CACNA2D3: variants seen among roughly 807,000 people sequenced by gnomAD.
CACNA2D3 encodes voltage-dependent calcium channel subunit alpha-2/delta-3.
In CACNA2D3, 60 loss-of-function variants were observed where a neutral mutation model predicts 160.6. The ratio of observed to expected loss-of-function variants is 0.37; its 90% CI spans 0.30 to 0.46. The LOEUF is 0.46. Among genes scored for constraint, CACNA2D3 ranks in the 20% least tolerant of loss-of-function variants. The pLI is 1.00. For synonymous variants in CACNA2D3, 558 were observed against 492.9 expected, an observed-to-expected ratio of 1.13 and a Z score of -1.75; for missense variants, 1,205 against 1,365.0, an observed-to-expected ratio of 0.88 and a Z score of 1.85.
chr3:54,265,659 G>A (rs1254207800), intron 2 of CACNA2D3, among the ~76,000 whole-genome samples: 2 of 69,358 alleles, frequency 2.9e-5, no homozygotes, highest in African/African-American at 9.6e-5. Context: ...TATATATAGT[G>A]TATATATATA....
At position 54,717,380 on chromosome 3, in the gene CACNA2D3, C is replaced by T. The variant is rs114622097; in HGVS notation, c.1168-35219C>T. ...CCACCTCAAAAGGTATACATGTGTT[C>T]TGCATTAAGAAAATTCTGCCAAACA... On this transcript the variant is annotated intron_variant, in intron 11 of 37. Coordinates refer to ENST00000474759, the MANE Select transcript of CACNA2D3 (RefSeq NM_018398.3). Among the ~76,000 whole-genome samples, 376 of 152,338 alleles carry T rather than the reference C, an allele frequency of 2.5e-3. 3 individuals carry two copies. The highest frequency in any genetic ancestry group is 8.7e-3 in the African/African-American group (362 of 41,566).
intron 4 of CACNA2D3, among the ~76,000 whole-genome samples, chr3:54,478,377 A>G (rs1278492302): frequency 6.6e-6 from 1 of 151,984 alleles, no homozygotes; most frequent in East Asian, 1.9e-4. Context: ...TCACACCTGT[A>G]ATTCCAGCAG....
chr3:54,173,638 C>T (rs1700614829), intron 2 of CACNA2D3, among the ~76,000 whole-genome samples: 1 of 152,168 alleles, frequency 6.6e-6, no homozygotes, highest in East Asian at 1.9e-4. Context: ...CATGGCTGAG[C>T]AAACTTTAGT....
At chr3:54,715,610 G>A (rs541089749) in intron 11 of CACNA2D3, among the ~76,000 whole-genome samples, 2 of 152,076 alleles carry the variant, frequency 1.3e-5, no homozygotes, top group African/African-American at 2.4e-5. Context: ...AGGCTATCTA[G>A]GGGCCCTCAG....
Position 54,183,445 on chromosome 3 carries a change from T to G in CACNA2D3, c.204+59851T>G, listed in dbSNP as rs189067454. The stretch of plus-strand genomic sequence containing the variant: ...ATAGCTGATTGGTGGCAGGGTTAGA[T>G]CTGCATCCTGGCCCATATACTTGGG... On this transcript the variant is annotated intron_variant, in intron 2 of 37. Transcript: ENST00000474759. Among the ~76,000 whole-genome samples, 159 of 152,102 alleles carry G rather than the reference T, an allele frequency of 1.0e-3. 1 individual carries two copies. Among genetic ancestry groups the G allele is most frequent in the Middle Eastern group, 3.4e-3 (1 of 292 alleles).
chr3:54,526,383 T>C (rs1380126938), intron 5 of CACNA2D3, among the ~76,000 whole-genome samples: 1 of 152,186 alleles, frequency 6.6e-6, no homozygotes, highest in Non-Finnish European at 1.5e-5. Context: ...ATGTGTCATA[T>C]TTTCCTATTT....
intron 13 of CACNA2D3, among the ~76,000 whole-genome samples, chr3:54,805,040 A>G (rs1321310639): frequency 2.0e-5 from 3 of 152,360 alleles, no homozygotes; most frequent in East Asian, 1.9e-4. Flanking sequence ...TCTGTGGGAC[A>G]CATTCAAAGC....
At chr3:54,894,036 G>T (rs975434270) in intron 25 of CACNA2D3, among the ~76,000 whole-genome samples, 1 of 152,096 alleles carries the variant, frequency 6.6e-6, no homozygotes, top group Non-Finnish European at 1.5e-5. Flanking sequence ...AAAGTGCAGC[G>T]TTTTTATTGT....
At chr3:54,350,643 T>C (rs2107532460) in intron 3 of CACNA2D3, among the ~76,000 whole-genome samples, 1 of 152,354 alleles carries the variant, frequency 6.6e-6, no homozygotes, top group Admixed American at 6.5e-5. Flanking sequence ...GATGATGGGC[T>C]CAACTGTTCT....
intron 3 of CACNA2D3, among the ~76,000 whole-genome samples, chr3:54,363,708 C>T (rs1698782708): frequency 6.6e-6 from 1 of 152,158 alleles, no homozygotes; most frequent in Non-Finnish European, 1.5e-5. Flanking sequence ...GCAAAGTCGT[C>T]TCAAGGTTCT....
intron 2 of CACNA2D3, among the ~76,000 whole-genome samples, chr3:54,160,966 AG>A (rs1700333188): frequency 6.6e-6 from 1 of 152,228 alleles, no homozygotes; most frequent in African/African-American, 2.4e-5. Flanking sequence ...GAAGTCCAGC[AG>A]GCGAGTCCAG....
chr3:54,584,552 AT>A lies in CACNA2D3; in HGVS notation c.963+2676del, dbSNP rs201932036. Among the ~76,000 whole-genome samples the A allele has an allele frequency of 9.0e-3, 1,365 of 152,326 alleles. 14 individuals carry two copies. Among genetic ancestry groups the A allele is most frequent in the Middle Eastern group, 0.017 (5 of 294 alleles). On this transcript the variant is annotated intron_variant, in intron 9 of 37. Transcript: ENST00000474759. ...GGACTTGAGGGACAATAACAAAAAA[AT>A]ATAACATTAATTACATCAAAGTCAT... is the stretch of plus-strand genomic sequence containing the variant.
intron 2 of CACNA2D3, among the ~76,000 whole-genome samples, chr3:54,213,390 G>A (rs1228850406): frequency 1.3e-5 from 2 of 152,140 alleles, no homozygotes; most frequent in Non-Finnish European, 2.9e-5. Flanking sequence ...GCCATTAAAG[G>A]CCACCCCTCC....
intron 10 of CACNA2D3, among the ~76,000 whole-genome samples, chr3:54,635,975 C>A (rs1257578265): frequency 1.3e-5 from 2 of 151,934 alleles, no homozygotes; most frequent in African/African-American, 4.9e-5. Context: ...AGTTTCCTGA[C>A]TCGGGCATGT....
At chr3:54,321,137 T>C (rs1333122212) in intron 3 of CACNA2D3, among the ~76,000 whole-genome samples, 1 of 152,070 alleles carries the variant, frequency 6.6e-6, no homozygotes, top group Non-Finnish European at 1.5e-5. Context: ...CTGGCCAACA[T>C]GGTGAAACCC....
At chr3:54,740,140 A>C (rs185325772) in intron 11 of CACNA2D3, among the ~76,000 whole-genome samples, 1 of 152,206 alleles carries the variant, frequency 6.6e-6, no homozygotes, top group Admixed American at 6.5e-5. Context: ...CAGGGGAGCC[A>C]CAGAACACGT....
chr3:54,826,547 C>T (rs1216246828), intron 14 of CACNA2D3, among the ~76,000 whole-genome samples: 1 of 152,162 alleles, frequency 6.6e-6, no homozygotes, highest in African/African-American at 2.4e-5. Context: ...GAATCATGAG[C>T]CCTGTGTGCT....
At chr3:54,807,772 A>G (rs1349770669) in intron 13 of CACNA2D3, among the ~76,000 whole-genome samples, 3 of 152,036 alleles carry the variant, frequency 2.0e-5, no homozygotes, top group African/African-American at 7.3e-5. Context: ...TTATTGTGGC[A>G]CTATTCCCAA....
At chr3:54,445,551 T>C (rs1272753224) in intron 4 of CACNA2D3, among the ~76,000 whole-genome samples, 1 of 52,000 alleles carries the variant, frequency 1.9e-5, no homozygotes, top group African/African-American at 6.7e-5. Flanking sequence ...TTTATTTCTA[T>C]GTATACACAC....
Sources: gnomAD v4.1 joint callset for allele counts (sites outside exome capture counted in the v4.1 genomes callset) on GRCh38, gnomAD v4.1.1 for gene constraint, MANE v1.5 for transcripts, NCBI Gene and HGNC (gene_info 2026-07-23, HGNC 2026-07-21) for gene names.